Variants in F8 observed in about 807,000 individuals in gnomAD.
F8 encodes antihemophilic factor.
F8 carries 12 observed loss-of-function variants against 140.6 expected under a neutral mutation model. That is an observed-to-expected ratio of 0.09 (90% CI 0.05 to 0.14). F8 has a LOEUF of 0.14. Ranked by LOEUF, F8 falls within the 10% of genes least tolerant of loss-of-function variation. The pLI is 1.00. For synonymous variants in F8, 585 were observed against 614.6 expected (o/e 0.95, Z 0.71); for missense variants, 1,354 against 1,720.7 (o/e 0.79, Z 3.77).
chrX:154,994,020 T>C (rs1422280855), intron 3 of F8, among the ~76,000 whole-genome samples: 2 of 112,491 alleles, frequency 1.8e-5, no homozygotes, highest in African/African-American at 6.5e-5. Context: ...CTCTATGCCC[T>C]TGGAGCGAGC....
chrX:154,941,736 C>T (rs1281143568), intron 13 of F8, among the ~76,000 whole-genome samples: 37 of 47,459 alleles, frequency 7.8e-4, no homozygotes, highest in African/African-American at 1.4e-3. Context: ...CCACACCACA[C>T]CTATTCCAAA....
At position 154,931,063 on chromosome X, in the gene F8, T is replaced by C. The variant is rs782300219; in HGVS notation, c.2727A>G (p.Pro909=). Residue 909 remains proline (P), a synonymous_variant, in exon 14 of 26, where the codon CCA becomes CCG. Transcript: ENST00000360256. ...CAGTACCTGCTGCCAAATTGTCTGA[T>C]GGAATTGTTGAAATCAGATTATTTG... The part of the protein sequence containing the change: ...STSNNLISTI[P]SDNLAAGTDN... 25 of 1,199,494 alleles carry C rather than the reference T, an allele frequency of 2.1e-5. No individual in the cohort carries two copies. The highest frequency in any genetic ancestry group is 2.3e-4 in the Middle Eastern group (1 of 4,283).
At chrX:154,844,247 T>C (rs1189845138) in intron 25 of F8, among the ~76,000 whole-genome samples, 1 of 112,126 alleles carries the variant, frequency 8.9e-6, no homozygotes, top group Non-Finnish European at 1.9e-5. Flanking sequence ...TTTGTTCTTT[T>C]GGCTTAGGAT....
intron 14 of F8, among the ~76,000 whole-genome samples, chrX:154,912,212 C>T (rs2073072492): frequency 1.8e-5 from 2 of 111,895 alleles, no homozygotes; most frequent in Non-Finnish European, 3.8e-5. Context: ...GATATAATCC[C>T]GTTTGTCTAC....
At chrX:154,842,830 G>A (rs1007438408) in intron 25 of F8, among the ~76,000 whole-genome samples, 2 of 111,322 alleles carry the variant, frequency 1.8e-5, no homozygotes, top group Non-Finnish European at 1.9e-5. Flanking sequence ...AAGTTCTAGG[G>A]TACATGTGCA....
At chrX:154,941,218 G>A (rs1237241538) in intron 13 of F8, among the ~76,000 whole-genome samples, 2 of 111,604 alleles carry the variant, frequency 1.8e-5, no homozygotes, top group Non-Finnish European at 3.8e-5. Context: ...GACACAGACT[G>A]GCAAATTGGA....
intron 1 of F8, among the ~76,000 whole-genome samples, chrX:155,000,319 G>A (rs782294075): frequency 1.8e-5 from 2 of 111,901 alleles, no homozygotes; most frequent in South Asian, 7.5e-4. Context: ...AGGGACACTG[G>A]CCCCAAGTGA....
At chrX:155,000,660 C>T (rs192162956) in intron 1 of F8, among the ~76,000 whole-genome samples, 1 of 112,060 alleles carries the variant, frequency 8.9e-6, no homozygotes, top group East Asian at 2.8e-4. Context: ...CATCGATTCA[C>T]TTATGAACCG....
chrX:154,932,161 G>T (rs2073201962), intron 13 of F8, among the ~76,000 whole-genome samples: 1 of 111,869 alleles, frequency 8.9e-6, no homozygotes, highest in Non-Finnish European at 1.9e-5. Context: ...CTGAACAATA[G>T]GTTTCTAATT....
At position 154,970,570 on chromosome X, in the gene F8, A is replaced by G. The variant is rs12556067; in HGVS notation, c.788-1018T>C. Among the ~76,000 whole-genome samples, 12 of 111,560 alleles carry G rather than the reference A, an allele frequency of 1.1e-4. No homozygotes were observed. In the Admixed American group the frequency reaches 1.1e-3, roughly 11 times the overall value. ...CTGGTGTACTATTTCTGCATTCCAGATCTGATTGTAGTATCCGCCAGCCTA... is the reference window on the plus strand; with the variant it reads ...CTGGTGTACTATTTCTGCATTCCAGGTCTGATTGTAGTATCCGCCAGCCTA... On this transcript the variant is annotated intron_variant, in intron 6 of 25. Transcript: ENST00000360256.
At chrX:155,006,004 T>C (rs1298873433) in intron 1 of F8, among the ~76,000 whole-genome samples, 2 of 111,073 alleles carry the variant, frequency 1.8e-5, no homozygotes, top group Admixed American at 9.6e-5. Flanking sequence ...TCCTATAAAC[T>C]TTCTGCATGC....
chrX:154,867,970 G>A (rs1290424143), intron 22 of F8, among the ~76,000 whole-genome samples: 1 of 111,264 alleles, frequency 9.0e-6, no homozygotes, highest in Non-Finnish European at 1.9e-5. Context: ...TACAGAAAAA[G>A]AATTTGACAA....
intron 6 of F8, among the ~76,000 whole-genome samples, chrX:154,979,055 T>C (rs2073502963): frequency 9.0e-6 from 1 of 111,425 alleles, no homozygotes; most frequent in African/African-American, 3.3e-5. Context: ...GCAGGTTGAT[T>C]TGTGGGCCTC....
chrX:154,848,754 C>T (rs782784488), intron 25 of F8, among the ~76,000 whole-genome samples: 33 of 111,338 alleles, frequency 3.0e-4, no homozygotes, highest in African/African-American at 1.0e-3. Context: ...TGATACCTTA[C>T]CCTGCTTCGG....
At chrX:154,902,921 A>G (rs1165122604) in intron 18 of F8, among the ~76,000 whole-genome samples, 4 of 112,238 alleles carry the variant, frequency 3.6e-5, no homozygotes, top group Non-Finnish European at 7.5e-5. Flanking sequence ...AGAGGACTCA[A>G]CCATGTCTCC....
intron 12 of F8, among the ~76,000 whole-genome samples, chrX:154,949,987 G>A (rs2073328230): frequency 9.0e-6 from 1 of 111,155 alleles, no homozygotes; most frequent in Admixed American, 9.6e-5. Context: ...GGATGGTCTC[G>A]ATCTCTTGAC....
intron 1 of F8, among the ~76,000 whole-genome samples, chrX:155,005,088 T>C (rs1209919630): frequency 8.9e-6 from 1 of 111,759 alleles, no homozygotes; most frequent in Non-Finnish European, 1.9e-5. Flanking sequence ...GAAGTACTGG[T>C]TCTTAAAAGG....
intron 14 of F8, 52 bp from the exon 15 acceptor site, chrX:154,906,625 G>A (rs1557276389): frequency 8.9e-7 from 1 of 1,117,897 alleles, no homozygotes; most frequent in Non-Finnish European, 1.2e-6. Context: ...CAAGTGGGTA[G>A]AAATGCCTCA....
intron 11 of F8, among the ~76,000 whole-genome samples, chrX:154,955,787 A>G (rs2073362118): frequency 9.0e-6 from 1 of 111,658 alleles, no homozygotes; most frequent in African/African-American, 3.3e-5. Context: ...ACAGAGCAAG[A>G]TCACAAGGTA....
Sources: allele counts gnomAD v4.1 joint callset (sites outside exome capture counted in the v4.1 genomes callset), GRCh38; gene constraint gnomAD v4.1.1; transcripts MANE v1.5; gene names NCBI Gene and HGNC (gene_info 2026-07-23, HGNC 2026-07-21).